Variants in SEMA5A observed in about 807,000 individuals in gnomAD.
SEMA5A encodes semaphorin-5A.
Under a neutral mutation model 135.5 loss-of-function variants are expected in SEMA5A, and 55 were observed. That is an observed-to-expected ratio of 0.41 (90% CI 0.33 to 0.51). The LOEUF is 0.51. Among genes scored for constraint, SEMA5A ranks in the 20% least tolerant of loss-of-function variants. The pLI is 0.37. For missense variants in SEMA5A, 1,290 were observed against 1,419.9 expected (o/e 0.91, Z 1.47); for synonymous variants, 580 against 546.5 (o/e 1.06, Z -0.85).
intron 19 of SEMA5A, among the ~76,000 whole-genome samples, chr5:9,052,321 T>C (rs1467073126): frequency 6.6e-6 from 1 of 152,176 alleles, no homozygotes; most frequent in African/African-American, 2.4e-5. Flanking sequence ...ACTCAATAAG[T>C]GAATCCATGA....
chr5:9,534,550 G>C (rs539261667), intron 1 of SEMA5A, among the ~76,000 whole-genome samples: 249 of 152,270 alleles, frequency 1.6e-3, no homozygotes, highest in African/African-American at 5.8e-3. Context: ...GGGCAAGCCA[G>C]CCAGTGTTGC....
intron 21 of SEMA5A, 53 bp from the exon 22 acceptor site, chr5:9,044,637 G>GCTACTCAAAGCACTAGGATGA: frequency 7.0e-7 from 1 of 1,428,890 alleles, no homozygotes; most frequent in South Asian, 1.2e-5. Flanking sequence ...ATCCTGCCTA[G>GCTACTCAAAGCACTAGGATGA]CTACTCAAAG....
At chr5:9,302,588 C>A (rs567961804) in intron 5 of SEMA5A, among the ~76,000 whole-genome samples, 15 of 152,292 alleles carry the variant, frequency 9.8e-5, no homozygotes, top group African/African-American at 3.1e-4. Context: ...ACAGCTGTTT[C>A]TCAGTGCAAA....
intron 16 of SEMA5A, among the ~76,000 whole-genome samples, chr5:9,077,813 C>A (rs1239358421): frequency 1.3e-5 from 2 of 152,198 alleles, no homozygotes; most frequent in African/African-American, 4.8e-5. Context: ...CTGGGTTCTT[C>A]TAAGTGCAGA....
At chr5:9,415,131 G>A (rs928071080) in intron 2 of SEMA5A, among the ~76,000 whole-genome samples, 4 of 152,132 alleles carry the variant, frequency 2.6e-5, no homozygotes, top group African/African-American at 9.7e-5. Flanking sequence ...TCAAAAAGTT[G>A]CATTTTTCAG....
At chr5:9,151,938 C>T (rs983809689) in intron 12 of SEMA5A, among the ~76,000 whole-genome samples, 4 of 152,206 alleles carry the variant, frequency 2.6e-5, no homozygotes, top group Non-Finnish European at 4.4e-5. Context: ...TGAACTCCTC[C>T]CCAGGCCTCT....
chr5:9,106,636 G>A (rs1045379200), intron 16 of SEMA5A, among the ~76,000 whole-genome samples: 4 of 152,096 alleles, frequency 2.6e-5, no homozygotes, highest in Non-Finnish European at 4.4e-5. Context: ...CATGCCACCA[G>A]GAACAAAACA....
chr5:9,394,169 AG>A (rs1274854730), intron 2 of SEMA5A, among the ~76,000 whole-genome samples: 1 of 152,178 alleles, frequency 6.6e-6, no homozygotes, highest in Non-Finnish European at 1.5e-5. Context: ...CCCAGGATCA[AG>A]CCCCCAGTGG....
chr5:9,234,230 AG>A (rs1214184943), intron 6 of SEMA5A, among the ~76,000 whole-genome samples: 2 of 152,300 alleles, frequency 1.3e-5, no homozygotes, highest in East Asian at 3.9e-4. Flanking sequence ...TTCTGAGTTC[AG>A]GGGGCAGTCC....
intron 13 of SEMA5A, among the ~76,000 whole-genome samples, chr5:9,129,800 C>CTCCTTGAATCTTCAACACA (rs1370260053): frequency 1.1e-4 from 16 of 152,158 alleles, no homozygotes; most frequent in African/African-American, 3.6e-4. Context: ...CATGTATTAA[C>CTCCTTGAATCTTCAACACA]TCCTTGAATC....
intron 3 of SEMA5A, among the ~76,000 whole-genome samples, chr5:9,369,636 G>T (rs560926279): frequency 2.3e-4 from 35 of 152,214 alleles, no homozygotes; most frequent in African/African-American, 8.4e-4. Context: ...TTCACTAAAA[G>T]TTAATTGACA....
intron 5 of SEMA5A, among the ~76,000 whole-genome samples, chr5:9,305,127 G>A (rs1301234183): frequency 1.3e-5 from 2 of 151,878 alleles, no homozygotes; most frequent in African/African-American, 2.4e-5. Flanking sequence ...TCTCCCTCTC[G>A]CCTGTATTGG....
At chr5:9,406,710 T>A (rs796599000) in intron 2 of SEMA5A, among the ~76,000 whole-genome samples, 16 of 152,298 alleles carry the variant, frequency 1.1e-4, no homozygotes, top group African/African-American at 3.8e-4. Flanking sequence ...TAATAACTGA[T>A]AAAATATCAG....
intron 16 of SEMA5A, among the ~76,000 whole-genome samples, chr5:9,103,001 G>A (rs1739712429): frequency 6.6e-6 from 1 of 152,138 alleles, no homozygotes; most frequent in Admixed American, 6.5e-5. Flanking sequence ...AAATATACCT[G>A]TTTGGGGCTT....
intron 5 of SEMA5A, among the ~76,000 whole-genome samples, chr5:9,273,814 T>C: frequency 6.6e-6 from 1 of 152,068 alleles, no homozygotes. Context: ...CCACCAGGCC[T>C]GCCCTACAAG....
chr5:9,466,958 A>G (rs1285046105), intron 1 of SEMA5A, among the ~76,000 whole-genome samples: 1 of 152,226 alleles, frequency 6.6e-6, no homozygotes, highest in Non-Finnish European at 1.5e-5. Context: ...TGCAGAGAAG[A>G]GTTTTGTTAT....
At chr5:9,400,981 T>C (rs1756635458) in intron 2 of SEMA5A, among the ~76,000 whole-genome samples, 1 of 152,216 alleles carries the variant, frequency 6.6e-6, no homozygotes, top group Non-Finnish European at 1.5e-5. Flanking sequence ...GAGACCAGTG[T>C]CTGACCTCAG....
chr5:9,229,467 G>C (rs904247334), intron 6 of SEMA5A, among the ~76,000 whole-genome samples: 20 of 152,096 alleles, frequency 1.3e-4, no homozygotes, highest in African/African-American at 4.8e-4. Flanking sequence ...AGGGGTACGG[G>C]AGCCTATAAA....
chr5:9,194,791 T>C (rs1806088), intron 10 of SEMA5A, among the ~76,000 whole-genome samples: 13,475 of 152,256 alleles, frequency 0.089, 693 homozygotes, highest in African/African-American at 0.13. Flanking sequence ...TTATGCTACA[T>C]GGACTGGCTT....
Sources: allele counts gnomAD v4.1 joint callset (sites outside exome capture counted in the v4.1 genomes callset), GRCh38; gene constraint gnomAD v4.1.1; transcripts MANE v1.5; gene names NCBI Gene and HGNC (gene_info 2026-07-23, HGNC 2026-07-21).